Variants in IMMP2L observed in about 807,000 individuals in gnomAD.
IMMP2L encodes the protein mitochondrial inner membrane protease subunit 2.
In IMMP2L, 18 loss-of-function variants were observed where a neutral mutation model predicts 19.3. The ratio of observed to expected loss-of-function variants is 0.93; its 90% CI spans 0.64 to 1.38. The LOEUF (loss-of-function observed/expected upper bound fraction) is 1.38, where lower values mean the gene tolerates loss of function less well. Among genes scored for constraint, IMMP2L ranks in the 40% most tolerant of loss-of-function variants. IMMP2L has a pLI of 0.00. For synonymous variants in IMMP2L, 76 were observed against 73.0 expected (o/e 1.04, Z -0.21); for missense variants, 233 against 218.2 (o/e 1.07, Z -0.43).
intron 3 of IMMP2L, among the ~76,000 whole-genome samples, chr7:111,176,727 C>A (rs1417094346): frequency 6.6e-6 from 1 of 151,624 alleles, no homozygotes; most frequent in Non-Finnish European, 1.5e-5. Flanking sequence ...AGGGTAACTA[C>A]CATCAACAAT....
At chr7:110,935,966 T>C (rs879531688) in intron 4 of IMMP2L, among the ~76,000 whole-genome samples, 2 of 152,100 alleles carry the variant, frequency 1.3e-5, no homozygotes, top group African/African-American at 2.4e-5. Context: ...CCCTATTTAA[T>C]AAATGGTGAT....
intron 3 of IMMP2L, among the ~76,000 whole-genome samples, chr7:111,470,622 G>A (rs1234323463): frequency 6.8e-6 from 1 of 147,038 alleles, no homozygotes. Context: ...CTATCCCAAG[G>A]ACAAAAAAAC....
chr7:111,375,029 G>A (rs965418586), intron 3 of IMMP2L, among the ~76,000 whole-genome samples: 3 of 152,052 alleles, frequency 2.0e-5, no homozygotes, highest in Admixed American at 1.3e-4. Flanking sequence ...CTCCTTCATA[G>A]CGGGGGGTCT....
At chr7:111,152,210 T>G (rs1292776958) in intron 3 of IMMP2L, among the ~76,000 whole-genome samples, 1 of 152,178 alleles carries the variant, frequency 6.6e-6, no homozygotes, top group African/African-American at 2.4e-5. Flanking sequence ...AGTTTTAATA[T>G]GTAATATTAA....
At chr7:111,048,238 C>CAAAAAAAAAAAAAA (rs575701337) in intron 3 of IMMP2L, among the ~76,000 whole-genome samples, 3 of 18,348 alleles carry the variant, frequency 1.6e-4, no homozygotes, top group East Asian at 2.7e-3. Context: ...GACTCTGTCT[C>CAAAAAAAAAAAAAA]AAAAAAAAAA....
intron 3 of IMMP2L, among the ~76,000 whole-genome samples, chr7:111,370,265 G>A (rs1388254554): frequency 6.6e-6 from 1 of 151,892 alleles, no homozygotes; most frequent in Non-Finnish European, 1.5e-5. Context: ...GAGAGTCAGT[G>A]AGTCATTCTC....
intron 5 of IMMP2L, among the ~76,000 whole-genome samples, chr7:110,765,067 A>G (rs918835995): frequency 6.6e-6 from 1 of 152,100 alleles, no homozygotes; most frequent in Non-Finnish European, 1.5e-5. Context: ...TTTTGCCGCT[A>G]TATTCTTATT....
rs963342538 is a variant in IMMP2L at position 111,505,877 on chromosome 7, G to A, written c.135+15436C>T. ...GGAGATATATGTAATGCTAAATGAC[G>A]AGTTAATGGGTGCAGCACACCAACA... On this transcript the variant is annotated intron_variant, in intron 2 of 5. Transcript: ENST00000405709. Among the ~76,000 whole-genome samples, 4 of 152,064 alleles carry A rather than the reference G, an allele frequency of 2.6e-5. No individual in the cohort carries two copies. The East Asian group carries it at 5.8e-4, about 22-fold the overall frequency.
chr7:111,487,150 A>G (rs1842724446), intron 3 of IMMP2L, 88 bp downstream of exon 3: 1 of 599,032 alleles, frequency 1.7e-6, no homozygotes, highest in Non-Finnish European at 3.0e-6. Context: ...ATAATTGGCA[A>G]TATGATATTA....
intron 5 of IMMP2L, among the ~76,000 whole-genome samples, chr7:110,886,297 GA>G (rs533804332): frequency 1.4e-4 from 21 of 149,356 alleles, no homozygotes; most frequent in East Asian, 3.9e-4. Flanking sequence ...TCCCGTGGGA[GA>G]AAAAAAAAAT....
chr7:111,039,410 G>A (rs749377162), intron 3 of IMMP2L, among the ~76,000 whole-genome samples: 4 of 152,054 alleles, frequency 2.6e-5, no homozygotes, highest in Admixed American at 6.6e-5. Flanking sequence ...TCTATTAACC[G>A]TTAAACTAAC....
intron 5 of IMMP2L, among the ~76,000 whole-genome samples, chr7:110,719,767 G>A (rs765697728): frequency 2.0e-4 from 31 of 152,180 alleles, no homozygotes; most frequent in Non-Finnish European, 3.5e-4. Flanking sequence ...AGAAGAAGCT[G>A]TCAATTCAGG....
intron 5 of IMMP2L, among the ~76,000 whole-genome samples, chr7:110,779,030 G>A (rs1280959178): frequency 6.6e-6 from 1 of 151,892 alleles, no homozygotes; most frequent in East Asian, 1.9e-4. Context: ...AAGTCTTGAG[G>A]ATTTATTACC....
At chr7:111,102,119 C>G (rs1364186152) in intron 3 of IMMP2L, among the ~76,000 whole-genome samples, 3 of 151,208 alleles carry the variant, frequency 2.0e-5, no homozygotes, top group Non-Finnish European at 3.0e-5. Flanking sequence ...AACAAAATCC[C>G]TATATTGGGA....
At chr7:111,107,086 C>A (rs925377519) in intron 3 of IMMP2L, among the ~76,000 whole-genome samples, 1 of 151,882 alleles carries the variant, frequency 6.6e-6, no homozygotes, top group Admixed American at 6.6e-5. Flanking sequence ...TTTGCAGATG[C>A]TCATGAATAG....
At chr7:111,072,695 A>G (rs1795055554) in intron 3 of IMMP2L, among the ~76,000 whole-genome samples, 1 of 152,160 alleles carries the variant, frequency 6.6e-6, no homozygotes, top group Non-Finnish European at 1.5e-5. Context: ...GGAGATTGAG[A>G]CCACCCTGAT....
intron 3 of IMMP2L, among the ~76,000 whole-genome samples, chr7:110,986,466 A>C (rs7801336): frequency 7.7e-4 from 117 of 152,264 alleles, no homozygotes; most frequent in Admixed American, 4.1e-3. Context: ...GAAAAATCTT[A>C]AAGATATGAA....
At chr7:110,918,936 T>C (rs1032560338) in intron 4 of IMMP2L, among the ~76,000 whole-genome samples, 1 of 152,192 alleles carries the variant, frequency 6.6e-6, no homozygotes, top group Admixed American at 6.6e-5. Flanking sequence ...TACATGCCAA[T>C]AGAAATTGAT....
intron 3 of IMMP2L, among the ~76,000 whole-genome samples, chr7:111,032,355 T>C (rs555605396): frequency 4.6e-5 from 7 of 152,274 alleles, no homozygotes; most frequent in Non-Finnish European, 1.0e-4. Flanking sequence ...GACAAATGAC[T>C]TCATTAAAAC....
Sources: gnomAD v4.1 joint callset for allele counts (sites outside exome capture counted in the v4.1 genomes callset) on GRCh38, gnomAD v4.1.1 for gene constraint, MANE v1.5 for transcripts, NCBI Gene and HGNC (gene_info 2026-07-23, HGNC 2026-07-21) for gene names.